The following RBFOX1 variants were observed in gnomAD, a reference collection of about 807,000 sequenced individuals.
RBFOX1 encodes RNA binding fox-1 homolog 1, also known as RNA binding protein fox-1 homolog 1.
A neutral mutation model predicts 57.7 loss-of-function variants in RBFOX1; 8 were observed. That is an observed-to-expected ratio of 0.14 (90% CI 0.08 to 0.25). The LOEUF (loss-of-function observed/expected upper bound fraction) is 0.25, where lower values mean the gene tolerates loss of function less well. Ranked by LOEUF, RBFOX1 falls within the 10% of genes least tolerant of loss-of-function variation. RBFOX1 has a pLI of 1.00. For synonymous variants in RBFOX1, 326 were observed against 222.4 expected (o/e 1.47, Z -4.15); for missense variants, 611 against 548.5 (o/e 1.11, Z -1.14).
intron 2 of RBFOX1, among the ~76,000 whole-genome samples, chr16:6,539,168 C>T (rs1289330984): frequency 1.3e-5 from 2 of 151,844 alleles, no homozygotes; most frequent in African/African-American, 4.8e-5. Flanking sequence ...TGTTCTTCTC[C>T]TTGGCGGGAA....
chr16:5,487,710 A>G (rs114058332), intron 2 of RBFOX1, among the ~76,000 whole-genome samples: 3,063 of 152,290 alleles, frequency 0.02, 50 homozygotes, highest in Middle Eastern at 0.054. Flanking sequence ...GCTCATGTCT[A>G]TCTTCCAGGC....
intron 4 of RBFOX1, among the ~76,000 whole-genome samples, chr16:7,387,509 T>G (rs1289952555): frequency 6.6e-6 from 1 of 152,230 alleles, no homozygotes; most frequent in Non-Finnish European, 1.5e-5. Context: ...GTCTCGTTTC[T>G]TATCAAAATT....
At chr16:7,143,148 G>T (rs145260446) in intron 4 of RBFOX1, among the ~76,000 whole-genome samples, 1 of 152,032 alleles carries the variant, frequency 6.6e-6, no homozygotes, top group Non-Finnish European at 1.5e-5. Context: ...GCAAAAAGCC[G>T]TACGTGTTTT....
chr16:6,205,569 A>G (rs752841013), intron 1 of RBFOX1, among the ~76,000 whole-genome samples: 1 of 152,144 alleles, frequency 6.6e-6, no homozygotes, highest in Non-Finnish European at 1.5e-5. Flanking sequence ...GGTTCCCCTG[A>G]ATTAAATAGC....
intron 1 of RBFOX1, among the ~76,000 whole-genome samples, chr16:6,058,293 CCTTCCTCCCTCCTCTT>C (rs1001101814): frequency 8.9e-5 from 13 of 146,288 alleles, no homozygotes; most frequent in African/African-American, 3.1e-4. Context: ...TCTTTCCCTG[CCTTCCTCCCTCCTCTT>C]CTTCCTCCCT....
intron 1 of RBFOX1, among the ~76,000 whole-genome samples, chr16:5,304,655 T>G (rs543136851): frequency 3.3e-5 from 5 of 152,318 alleles, no homozygotes; most frequent in African/African-American, 1.2e-4. Context: ...AATCAGATAT[T>G]GTGGCTCTGT....
At chr16:6,436,586 G>C (rs1445362903) in intron 2 of RBFOX1, among the ~76,000 whole-genome samples, 1 of 120,818 alleles carries the variant, frequency 8.3e-6, no homozygotes, top group African/African-American at 3.1e-5. Context: ...TATTTTTTCT[G>C]GGGGGAAAAA....
intron 4 of RBFOX1, among the ~76,000 whole-genome samples, chr16:5,929,948 G>A (rs1316132132): frequency 6.6e-6 from 1 of 151,784 alleles, no homozygotes; most frequent in African/African-American, 2.4e-5. Flanking sequence ...CTTTGAGTGG[G>A]GCACAATGTG....
intron 4 of RBFOX1, among the ~76,000 whole-genome samples, chr16:7,445,663 A>T (rs952401868): frequency 6.6e-6 from 1 of 152,216 alleles, no homozygotes; most frequent in Non-Finnish European, 1.5e-5. Flanking sequence ...TCAAAATACA[A>T]GATCTACATG....
At chr16:7,436,031 G>A (rs2098718951) in intron 4 of RBFOX1, among the ~76,000 whole-genome samples, 1 of 152,102 alleles carries the variant, frequency 6.6e-6, no homozygotes, top group Middle Eastern at 3.2e-3. Context: ...GGAGGGTGGG[G>A]CATGAAAGCT....
intron 2 of RBFOX1, among the ~76,000 whole-genome samples, chr16:6,575,960 G>A (rs910106344): frequency 5.3e-5 from 8 of 151,970 alleles, no homozygotes; most frequent in Non-Finnish European, 1.2e-4. Context: ...GGTGGTGGTA[G>A]GCATGGTGCG....
At chr16:6,726,248 A>T (rs2067142310) in intron 3 of RBFOX1, among the ~76,000 whole-genome samples, 1 of 152,162 alleles carries the variant, frequency 6.6e-6, no homozygotes, top group South Asian at 2.1e-4. Flanking sequence ...CCAGCAAGGG[A>T]AATTTTTGAA....
chr16:6,382,175 T>C (rs2091877319), intron 2 of RBFOX1, among the ~76,000 whole-genome samples: 1 of 152,210 alleles, frequency 6.6e-6, no homozygotes, highest in Non-Finnish European at 1.5e-5. Flanking sequence ...AGTATTCTTG[T>C]GATCCTTTTT....
At chr16:6,147,589 G>A (rs2096768109) in intron 1 of RBFOX1, among the ~76,000 whole-genome samples, 1 of 152,108 alleles carries the variant, frequency 6.6e-6, no homozygotes, top group Admixed American at 6.5e-5. Flanking sequence ...TAGAGGGGAT[G>A]GGGGCAAGAA....
intron 3 of RBFOX1, among the ~76,000 whole-genome samples, chr16:6,928,531 C>A (rs916993459): frequency 6.6e-6 from 1 of 152,038 alleles, no homozygotes; most frequent in East Asian, 1.9e-4. Flanking sequence ...CTTCTCTAAT[C>A]GTTTTATCCA....
intron 14 of RBFOX1, among the ~76,000 whole-genome samples, chr16:7,694,480 A>G (rs2215281): frequency 0.98 from 149,217 of 152,358 alleles, 73,151 homozygotes; most frequent in Middle Eastern, 1. Flanking sequence ...GTCAGCCTCA[A>G]CCTTCATAAC....
At chr16:6,457,838 G>A (rs542117283) in intron 2 of RBFOX1, among the ~76,000 whole-genome samples, 1 of 152,194 alleles carries the variant, frequency 6.6e-6, no homozygotes, top group Admixed American at 6.5e-5. Flanking sequence ...TAAATTCAGC[G>A]CCTTGGAATA....
intron 4 of RBFOX1, among the ~76,000 whole-genome samples, chr16:7,061,620 C>A (rs908109315): frequency 6.6e-6 from 1 of 152,198 alleles, no homozygotes; most frequent in African/African-American, 2.4e-5. Flanking sequence ...TTCATTCTCC[C>A]TTTCCCTTGC....
In RBFOX1 at chr16:6,443,542, T is replaced by A. The variant is rs375675993; in HGVS notation, c.-64+126485T>A. On this transcript the variant is annotated intron_variant, in intron 2 of 15. Transcript: ENST00000550418. ...AGGATGTGAGCAGGAGCCTTAACAA[T>A]ACTTGAAAATACCCAGTGTGCTCTG... Among the ~76,000 whole-genome samples the A allele has an allele frequency of 2.6e-5, 4 of 152,264 alleles. No homozygotes were observed. The East Asian group carries it at 7.7e-4, about 29-fold the overall frequency.
Sources: gnomAD v4.1 joint callset for allele counts (sites outside exome capture counted in the v4.1 genomes callset) on GRCh38, gnomAD v4.1.1 for gene constraint, MANE v1.5 for transcripts, NCBI Gene and HGNC (gene_info 2026-07-23, HGNC 2026-07-21) for gene names.